ANKRD30B: variants seen among roughly 807,000 people sequenced by gnomAD.
The protein encoded by ANKRD30B is ankyrin repeat domain 30B.
A neutral mutation model predicts 202.2 loss-of-function variants in ANKRD30B; 144 were observed. The observed-to-expected ratio is 0.71, with a 90% CI of 0.62 to 0.82. The LOEUF is 0.82. Ranked by LOEUF, ANKRD30B falls within the 40% of genes least tolerant of loss-of-function variation. The probability of loss-of-function intolerance (pLI) is 0.00; values close to 1 mark genes in which losing one functional copy is unlikely to be tolerated. For synonymous variants in ANKRD30B, 508 were observed against 561.3 expected (o/e 0.91, Z 1.34); for missense variants, 1,487 against 1,669.1 (o/e 0.89, Z 1.90).
At chr18:14,900,753 C>T in the ANKRD30B span, among the ~76,000 whole-genome samples, 1 of 152,132 alleles carries the variant, frequency 6.6e-6, no homozygotes, top group African/African-American at 2.4e-5. Flanking sequence ...AAAAGTCTTC[C>T]ATAAAAGGTA....
intron 10 of ANKRD30B, among the ~76,000 whole-genome samples, chr18:14,779,275 G>A (rs907137615): frequency 2.2e-4 from 33 of 152,162 alleles, no homozygotes; most frequent in African/African-American, 7.7e-4. Flanking sequence ...GTTACTTACA[G>A]CAATCATTTT....
At chr18:14,779,275 G>T (rs907137615) in intron 10 of ANKRD30B, among the ~76,000 whole-genome samples, 1 of 152,162 alleles carries the variant, frequency 6.6e-6, no homozygotes, top group South Asian at 2.1e-4. Context: ...GTTACTTACA[G>T]CAATCATTTT....
chr18:14,911,627 T>G, the ANKRD30B span, among the ~76,000 whole-genome samples: 23 of 152,148 alleles, frequency 1.5e-4, no homozygotes, highest in Non-Finnish European at 3.1e-4. Flanking sequence ...TGGTTTCATA[T>G]GGCTTCAAGA....
At chr18:14,811,370 C>A in intron 28 of ANKRD30B, among the ~76,000 whole-genome samples, 1 of 150,874 alleles carries the variant, frequency 6.6e-6, no homozygotes, top group Non-Finnish European at 1.5e-5. Flanking sequence ...CACCACAACG[C>A]CTGGCTCATT....
chr18:14,777,090 T>C (rs1320399945), intron 9 of ANKRD30B, among the ~76,000 whole-genome samples: 1 of 152,230 alleles, frequency 6.6e-6, no homozygotes, highest in East Asian at 1.9e-4. Context: ...TACTTTGAAG[T>C]TAATTCCTTT....
Position 14,778,085 on chromosome 18 carries a change from AT to A in ANKRD30B, c.1420+16del. 1 of 1,503,656 alleles carries A rather than the reference AT, an allele frequency of 6.7e-7. No individual in the cohort carries two copies. The highest frequency in any genetic ancestry group is 9.0e-7 in the Non-Finnish European group (1 of 1,106,322). 93.1% of individuals were successfully genotyped at this position (1,503,656 alleles called of 1,614,324 possible). A position where few individuals can be genotyped will look rare whatever the true frequency, so the allele number is the denominator to read the frequency against. Reference sequence around the variant, plus strand: ...AATCACAAAATAGAAGGTAAGAACCATTTTTTATTTAAAACATCTTTTGACC... The same window carrying A: ...AATCACAAAATAGAAGGTAAGAACCATTTTTATTTAAAACATCTTTTGACC... On this transcript the variant is annotated intron_variant, in intron 10 of 43. Transcript: ENST00000690538.
chr18:14,819,229 T>G (rs1487715376), intron 30 of ANKRD30B, among the ~76,000 whole-genome samples: 31 of 149,260 alleles, frequency 2.1e-4, no homozygotes, highest in Admixed American at 2.0e-3. Context: ...TTCTTGTAAA[T>G]TTGTTTGAGT....
the ANKRD30B span, among the ~76,000 whole-genome samples, chr18:14,864,954 C>A: frequency 1.3e-5 from 2 of 151,948 alleles, no homozygotes; most frequent in African/African-American, 2.4e-5. Context: ...ACAAAGCCTT[C>A]CCCGCTTCCC....
chr18:14,805,946 C>T (rs919711674), intron 24 of ANKRD30B, among the ~76,000 whole-genome samples: 11 of 150,440 alleles, frequency 7.3e-5, no homozygotes, highest in Non-Finnish European at 1.2e-4. Context: ...TCAGGCCAGG[C>T]GTGGTGACTC....
the ANKRD30B span, among the ~76,000 whole-genome samples, chr18:14,919,510 G>A: frequency 6.6e-6 from 1 of 152,138 alleles, no homozygotes; most frequent in Non-Finnish European, 1.5e-5. Flanking sequence ...GCTCCCATGA[G>A]GGACAAGAGA....
chr18:14,842,323 G>A (rs560831198), intron 37 of ANKRD30B, among the ~76,000 whole-genome samples: 16 of 152,204 alleles, frequency 1.1e-4, no homozygotes, highest in Non-Finnish European at 1.9e-4. Flanking sequence ...GCAAGGATAT[G>A]GGAAACAATG....
At position 14,779,952 on chromosome 18, in the gene ANKRD30B, A is replaced by G. The variant is rs200058168; in HGVS notation, c.1421-8A>G. The G allele has an allele frequency of 2.2e-5, 33 of 1,486,960 alleles. No homozygotes were observed. The highest frequency in any genetic ancestry group is 3.0e-5 in the Non-Finnish European group (33 of 1,101,390). The allele number at this position is 1,486,960 out of a possible 1,614,324, so 92.1% of individuals were successfully genotyped here. A position where few individuals can be genotyped will look rare whatever the true frequency, so the allele number is the denominator to read the frequency against. Reference sequence around the variant, plus strand: ...TCTCATGAATGTATCTGTGATTAACATTTTTAGATCAGATGTTCCCATCAG... The same window carrying G: ...TCTCATGAATGTATCTGTGATTAACGTTTTTAGATCAGATGTTCCCATCAG... On this transcript the variant is annotated splice_polypyrimidine_tract_variant and splice_region_variant and intron_variant, in intron 10 of 43. Transcript: ENST00000690538.
At chr18:14,839,566 G>A (rs550130449) in intron 36 of ANKRD30B, among the ~76,000 whole-genome samples, 7 of 152,276 alleles carry the variant, frequency 4.6e-5, no homozygotes, top group South Asian at 4.2e-4. Context: ...GATGTTTCAC[G>A]AATACATGTT....
At chr18:14,826,681 TCTCTCTCTCTCTCACA>T (rs1568052734) in intron 32 of ANKRD30B, among the ~76,000 whole-genome samples, 7 of 32,352 alleles carry the variant, frequency 2.2e-4, no homozygotes, top group African/African-American at 4.6e-4. Flanking sequence ...TCTCCCCCTC[TCTCTCTCTCTCTCACA>T]CACACACACA....
chr18:14,849,019 G>A (rs1971774374), intron 40 of ANKRD30B, 90 bp downstream of exon 40: 1 of 1,332,670 alleles, frequency 7.5e-7, no homozygotes, highest in South Asian at 2.3e-5. Context: ...TACCTTCTGA[G>A]ATTTAACTGG....
chr18:14,897,633 T>A, the ANKRD30B span, among the ~76,000 whole-genome samples: 3 of 152,344 alleles, frequency 2.0e-5, no homozygotes, highest in Admixed American at 6.5e-5. Context: ...TGCTAATCTG[T>A]ATATTTTATT....
At chr18:14,775,039 A>G in intron 9 of ANKRD30B, among the ~76,000 whole-genome samples, 1 of 152,170 alleles carries the variant, frequency 6.6e-6, no homozygotes, top group Non-Finnish European at 1.5e-5. Flanking sequence ...AGGCAGGAGA[A>G]TGGCATGAAC....
At chr18:14,889,861 G>A in the ANKRD30B span, 4 of 425,612 alleles carry the variant, frequency 9.4e-6, no homozygotes, top group African/African-American at 8.4e-5. Context: ...AGTATAAAGT[G>A]TTTTAATAAA....
intron 36 of ANKRD30B, among the ~76,000 whole-genome samples, chr18:14,838,910 A>G (rs17842635): frequency 0.13 from 19,379 of 152,298 alleles, 1,475 homozygotes; most frequent in East Asian, 0.27. Flanking sequence ...AAATGATTAA[A>G]GTGGCATATA....
Sources: allele counts gnomAD v4.1 joint callset (sites outside exome capture counted in the v4.1 genomes callset), GRCh38; gene constraint gnomAD v4.1.1; transcripts MANE v1.5; gene names NCBI Gene and HGNC (gene_info 2026-07-23, HGNC 2026-07-21).